RNF216: variants seen among roughly 807,000 people sequenced by gnomAD.
RNF216 encodes the protein E3 ubiquitin-protein ligase RNF216.
Under a neutral mutation model 110.8 loss-of-function variants are expected in RNF216, and 72 were observed. That is an observed-to-expected ratio of 0.65 (90% CI 0.54 to 0.79). The LOEUF is 0.79. Among genes scored for constraint, RNF216 ranks in the 30% least tolerant of loss-of-function variants. RNF216 has a pLI of 0.00. For synonymous variants in RNF216, 495 were observed against 407.5 expected (o/e 1.21, Z -2.59); for missense variants, 1,342 against 1,141.2 (o/e 1.18, Z -2.54).
At chr7:5,738,087 C>CAAAAAAAAAAAAAA (rs200643372) in intron 5 of RNF216, among the ~76,000 whole-genome samples, 1 of 111,002 alleles carries the variant, frequency 9.0e-6, no homozygotes, top group African/African-American at 4.0e-5. Context: ...AGACTGTCTC[C>CAAAAAAAAAAAAAA]AAAAAAAAAA....
intron 15 of RNF216, among the ~76,000 whole-genome samples, chr7:5,631,666 C>T (rs1274812973): frequency 7.1e-6 from 1 of 139,996 alleles, no homozygotes; most frequent in Non-Finnish European, 1.5e-5. Context: ...TTCTCATCAA[C>T]ATAAAAAAAA....
chr7:5,735,754 C>T (rs1794358975), intron 5 of RNF216, among the ~76,000 whole-genome samples: 1 of 152,154 alleles, frequency 6.6e-6, no homozygotes, highest in Admixed American at 6.5e-5. Context: ...AGTGTACACT[C>T]TTAACGGTTT....
At chr7:5,657,567 A>T (rs1246220093) in intron 13 of RNF216, among the ~76,000 whole-genome samples, 1 of 140,200 alleles carries the variant, frequency 7.1e-6, no homozygotes, top group Non-Finnish European at 1.6e-5. Flanking sequence ...AATTCTGTCT[A>T]AAAAAAAAAA....
At chr7:5,706,467 G>A (rs1415059129) in intron 13 of RNF216, among the ~76,000 whole-genome samples, 2 of 152,182 alleles carry the variant, frequency 1.3e-5, no homozygotes, top group Admixed American at 6.5e-5. Context: ...GCATTTAAGT[G>A]GAATCGTGCA....
chr7:5,670,351 G>A (rs1382805087), intron 13 of RNF216, among the ~76,000 whole-genome samples: 1 of 152,150 alleles, frequency 6.6e-6, no homozygotes, highest in Non-Finnish European at 1.5e-5. Flanking sequence ...CGACTGCAGA[G>A]GACCCAGCCA....
chr7:5,744,080 G>A (rs770717520), intron 3 of RNF216, among the ~76,000 whole-genome samples: 6 of 152,128 alleles, frequency 3.9e-5, no homozygotes, highest in Non-Finnish European at 8.8e-5. Context: ...AATATACAAG[G>A]GTTTCACACA....
At position 5,720,935 on chromosome 7, in the gene RNF216, A is replaced by G. The variant is rs1364415781; in HGVS notation, c.1644+98T>C. On this transcript the variant is annotated intron_variant, in intron 9 of 16. Coordinates refer to ENST00000389902, the MANE Select transcript of RNF216 (RefSeq NM_207111.4). ...TATATCCAAATTTAACAGTCTGAAG[A>G]AAAGGGAAATCTTAAAAGACAGTTT... The G allele has an allele frequency of 3.3e-6, 4 of 1,222,048 alleles. No individual in the cohort carries two copies. The East Asian group carries it at 9.5e-5, about 29-fold the overall frequency. 75.7% of individuals were successfully genotyped at this position (1,222,048 alleles called of 1,614,324 possible).
chr7:5,747,520 G>A (rs1317269202), intron 3 of RNF216, among the ~76,000 whole-genome samples: 1 of 152,154 alleles, frequency 6.6e-6, no homozygotes, highest in African/African-American at 2.4e-5. Context: ...GCTCTACGGT[G>A]TTATCTGAAA....
chr7:5,656,638 A>G (rs987401696), intron 13 of RNF216, among the ~76,000 whole-genome samples: 1 of 152,160 alleles, frequency 6.6e-6, no homozygotes, highest in African/African-American at 2.4e-5. Context: ...GTCATCATGG[A>G]GGTTGCTGGT....
intron 11 of RNF216, 107 bp from the exon 12 acceptor site, chr7:5,712,970 C>A (rs1792812853): frequency 1.0e-6 from 1 of 998,924 alleles, no homozygotes; most frequent in African/African-American, 1.6e-5. Context: ...TAGCAAGGAT[C>A]TCTCTGCCTG....
chr7:5,731,943 C>A (rs1386000399), intron 5 of RNF216, among the ~76,000 whole-genome samples: 1 of 152,190 alleles, frequency 6.6e-6, no homozygotes, highest in Admixed American at 6.5e-5. Flanking sequence ...GCCGGGGACC[C>A]ACGTCAAAGC....
chr7:5,627,573 C>T (rs1211528317), intron 15 of RNF216, among the ~76,000 whole-genome samples: 2 of 152,090 alleles, frequency 1.3e-5, no homozygotes, highest in African/African-American at 4.8e-5. Context: ...CGGTGAAACC[C>T]TGTCTCTACT....
At chr7:5,742,826 C>G (rs1222859602) in intron 3 of RNF216, among the ~76,000 whole-genome samples, 1 of 151,934 alleles carries the variant, frequency 6.6e-6, no homozygotes, top group African/African-American at 2.4e-5. Flanking sequence ...GAACTCCTGA[C>G]CTCAGATGAC....
chr7:5,764,946 T>A (rs1796124458), intron 1 of RNF216, among the ~76,000 whole-genome samples: 1 of 152,008 alleles, frequency 6.6e-6, no homozygotes, highest in Non-Finnish European at 1.5e-5. Context: ...GGCACACATC[T>A]GTGATCCCAG....
In RNF216 at chr7:5,673,298, G is replaced by A. The variant is rs187851430; in HGVS notation, c.2062-20788C>T. ...ACCCTGCCTGCTTACGGTAATTAGC[G>A]TGGCCCTGTCAGTGGAGCTGCTGTT... On this transcript the variant is annotated intron_variant, in intron 13 of 16. Coordinates refer to ENST00000389902, the MANE Select transcript of RNF216 (RefSeq NM_207111.4). Among the ~76,000 whole-genome samples the A allele has an allele frequency of 2.0e-4, 30 of 152,336 alleles. No individual in the cohort carries two copies. The East Asian group carries it at 5.0e-3, about 25-fold the overall frequency.
chr7:5,688,867 T>G (rs1791150030), intron 13 of RNF216, among the ~76,000 whole-genome samples: 1 of 152,240 alleles, frequency 6.6e-6, no homozygotes, highest in Non-Finnish European at 1.5e-5. Context: ...TAACAGCTAC[T>G]AACATTACTG....
chr7:5,729,615 A>G lies in RNF216; in HGVS notation c.1225-19T>C, dbSNP rs1334255683. 3.1e-6 allele frequency: 5 copies of G among 1,607,074 alleles called. No individual in the cohort carries two copies. The highest frequency in any genetic ancestry group is 3.4e-6 in the Non-Finnish European group (4 of 1,174,048). ...TAGGCAACTGAAATGAGAGAGAAGC[A>G]TAAAATCAGAGGCCAGGCAGTACAT... On this transcript the variant is annotated intron_variant, in intron 6 of 16. Coordinates refer to ENST00000389902, the MANE Select transcript of RNF216 (RefSeq NM_207111.4).
At chr7:5,660,466 A>G (rs1043090775) in intron 13 of RNF216, among the ~76,000 whole-genome samples, 14 of 148,710 alleles carry the variant, frequency 9.4e-5, no homozygotes, top group Admixed American at 4.0e-4. Context: ...TAATTTTTCT[A>G]TTTTTAGTAG....
chr7:5,701,732 A>T (rs1791984615), intron 13 of RNF216, among the ~76,000 whole-genome samples: 1 of 152,240 alleles, frequency 6.6e-6, no homozygotes, highest in African/African-American at 2.4e-5. Flanking sequence ...ACTGTGATGC[A>T]GCAACAGCCA....
Sources: allele counts gnomAD v4.1 joint callset (sites outside exome capture counted in the v4.1 genomes callset), GRCh38; gene constraint gnomAD v4.1.1; transcripts MANE v1.5; gene names NCBI Gene and HGNC (gene_info 2026-07-23, HGNC 2026-07-21).